The following ABR variants were observed in gnomAD, a reference collection of about 807,000 sequenced individuals.
The protein encoded by ABR is ABR activator of RhoGEF and GTPase.
In ABR, 35 loss-of-function variants were observed where a neutral mutation model predicts 107.2. That is an observed-to-expected ratio of 0.33 (90% CI 0.25 to 0.43). The LOEUF (loss-of-function observed/expected upper bound fraction) is 0.43, where lower values mean the gene tolerates loss of function less well. Among genes scored for constraint, ABR ranks in the 20% least tolerant of loss-of-function variants. ABR has a pLI of 1.00. For missense variants in ABR, 815 were observed against 1,115.2 expected (o/e 0.73, Z 3.83); for synonymous variants, 498 against 462.0 (o/e 1.08, Z -1.00).
At chr17:1,175,921 C>A (rs1567861269) in intron 1 of ABR, among the ~76,000 whole-genome samples, 1 of 152,108 alleles carries the variant, frequency 6.6e-6, no homozygotes, top group Non-Finnish European at 1.5e-5. Flanking sequence ...GAAACCCCGT[C>A]TCTACTAAAA....
At chr17:1,085,307 G>A (rs1243113205) in intron 4 of ABR, among the ~76,000 whole-genome samples, 4 of 149,058 alleles carry the variant, frequency 2.7e-5, no homozygotes, top group Admixed American at 1.4e-4. Context: ...TAGTAGAGAC[G>A]GGGTTTCACC....
intron 1 of ABR, among the ~76,000 whole-genome samples, chr17:1,195,189 C>A (rs1399446874): frequency 6.9e-6 from 1 of 145,558 alleles, no homozygotes; most frequent in Non-Finnish European, 1.5e-5. Flanking sequence ...CGCCTGTAGT[C>A]CCAGCTACTC....
At chr17:1,046,951 G>A (rs2260057) in intron 16 of ABR, among the ~76,000 whole-genome samples, 55,475 of 152,074 alleles carry the variant, frequency 0.36, 10,655 homozygotes, top group East Asian at 0.65. Context: ...GCATGCTGCC[G>A]TCTGTCTGTC....
rs1278180194 is a variant in ABR, at chr17:1,078,959, G to A, written c.700+371C>T. On this transcript the variant is annotated intron_variant, in intron 6 of 22. Transcript: ENST00000302538. The surrounding 1 kb of genome is among the most constrained non-coding windows in gnomAD (Gnocchi z 7.5). ...ACTCAGCCACCTTGCTGATGCTGCCGCACGGACTCCAGCATCGGGCAGCCG... is the reference window on the plus strand; with the variant it reads ...ACTCAGCCACCTTGCTGATGCTGCCACACGGACTCCAGCATCGGGCAGCCG... The A allele has an allele frequency of 2.4e-5, 37 of 1,511,832 alleles. No individual in the cohort carries two copies. Among genetic ancestry groups the A allele is most frequent in the South Asian group, 6.1e-5 (5 of 81,730 alleles). 93.7% of individuals were successfully genotyped at this position (1,511,832 alleles called of 1,614,324 possible).
At chr17:1,132,670 C>A (rs573659797) in intron 1 of ABR, among the ~76,000 whole-genome samples, 1 of 152,062 alleles carries the variant, frequency 6.6e-6, no homozygotes, top group Non-Finnish European at 1.5e-5. Flanking sequence ...AGCCACCACA[C>A]CTGGCCAATA....
chr17:1,113,282 T>TTTG (rs1469913332), intron 2 of ABR, among the ~76,000 whole-genome samples: 1 of 136,062 alleles, frequency 7.3e-6, no homozygotes, highest in Admixed American at 7.3e-5. Flanking sequence ...ATTGCGATTT[T>TTTG]TTTTTTTTTT....
At chr17:1,022,302 G>A (rs1394516064) in intron 16 of ABR, among the ~76,000 whole-genome samples, 2 of 152,040 alleles carry the variant, frequency 1.3e-5, no homozygotes, top group South Asian at 2.1e-4. Context: ...CAGGCCAGCG[G>A]CCACGGTGGC....
chr17:1,009,454 A>G (rs2070343215), intron 21 of ABR, among the ~76,000 whole-genome samples: 1 of 152,196 alleles, frequency 6.6e-6, no homozygotes, highest in Non-Finnish European at 1.5e-5. Flanking sequence ...ATATTTCTCA[A>G]AACAGAAAAA....
chr17:1,176,005 G>A (rs533105863), intron 1 of ABR, among the ~76,000 whole-genome samples: 3 of 152,228 alleles, frequency 2.0e-5, no homozygotes, highest in African/African-American at 7.2e-5. Flanking sequence ...GCAGGAGAAT[G>A]GCGTGAACCT....
chr17:1,033,534 T>A (rs2072960121), intron 16 of ABR, among the ~76,000 whole-genome samples: 1 of 152,206 alleles, frequency 6.6e-6, no homozygotes, highest in Non-Finnish European at 1.5e-5. Flanking sequence ...TGTGGCAGGA[T>A]CTGGCCCTGG....
At chr17:1,139,363 T>C (rs1020350473) in intron 1 of ABR, among the ~76,000 whole-genome samples, 1 of 152,202 alleles carries the variant, frequency 6.6e-6, no homozygotes, top group African/African-American at 2.4e-5. Flanking sequence ...GCCATTCTCC[T>C]GCCTCAGCCT....
At chr17:1,060,958 C>A (rs1020463330) in intron 10 of ABR, among the ~76,000 whole-genome samples, 5 of 152,146 alleles carry the variant, frequency 3.3e-5, no homozygotes, top group Non-Finnish European at 7.3e-5. Context: ...TGCCACTGCA[C>A]TCCAGCCTGG....
chr17:1,020,915 G>A lies in ABR; in HGVS notation c.1792-7751C>T, dbSNP rs777193689. ...TCCCCGTGCTCGGATTCAGGGGCAC[G>A]CTCCCTCCGGTCTCCACTCCTGCTC... On this transcript the variant is annotated intron_variant, in intron 16 of 22. Coordinates refer to ENST00000302538, the MANE Select transcript of ABR (RefSeq NM_021962.5). 9.9e-4 allele frequency among the ~76,000 whole-genome samples: 151 copies of A among 152,208 alleles called. 1 individual carries two copies. Among genetic ancestry groups the A allele is most frequent in the Non-Finnish European group, 1.6e-3 (111 of 67,988 alleles).
intron 16 of ABR, among the ~76,000 whole-genome samples, chr17:1,023,693 G>T (rs1339156970): frequency 6.6e-6 from 1 of 152,188 alleles, no homozygotes; most frequent in African/African-American, 2.4e-5. Flanking sequence ...AGACCTCCAT[G>T]GGCTCTGAAG....
chr17:1,139,204 C>G (rs968730844), intron 1 of ABR, among the ~76,000 whole-genome samples: 1 of 152,076 alleles, frequency 6.6e-6, no homozygotes, highest in South Asian at 2.1e-4. Context: ...CTTATAACTC[C>G]TTAAAGTGAG....
intron 1 of ABR, among the ~76,000 whole-genome samples, chr17:1,169,974 G>GTGTGTT (rs1193770761): frequency 1.9e-4 from 26 of 136,728 alleles, no homozygotes; most frequent in African/African-American, 6.5e-4. Flanking sequence ...GTATGGGGGG[G>GTGTGTT]TGTGTTTGTG....
intron 1 of ABR, among the ~76,000 whole-genome samples, chr17:1,202,633 G>A (rs757247796): frequency 1.1e-4 from 16 of 152,050 alleles, no homozygotes; most frequent in Non-Finnish European, 1.9e-4. Flanking sequence ...GGCAGCAAAT[G>A]TTGCATGAAA....
chr17:1,049,757 TC>T (rs898571050), intron 16 of ABR, among the ~76,000 whole-genome samples: 4 of 152,216 alleles, frequency 2.6e-5, no homozygotes, highest in African/African-American at 4.8e-5. Context: ...AACATGGCGT[TC>T]CGGGAAACAA....
rs144902924 is a variant in ABR at position 1,148,688 on chromosome 17, C to T, written c.62-23321G>A. Among the ~76,000 whole-genome samples, 173 of 152,342 alleles carry T rather than the reference C, an allele frequency of 1.1e-3. No individual in the cohort carries two copies. The highest frequency in any genetic ancestry group is 0.01 in the Middle Eastern group (3 of 294). ...CATCCCGAAAGCGCTCCCCACCCTT[C>T]CCCGGTCCGTGGAAAAAGTGTCTTC... On this transcript the variant is annotated intron_variant, in intron 1 of 22. Transcript: ENST00000302538. This position sits in a 1 kb window ranked among gnomAD's most constrained non-coding sequence, Gnocchi z 4.9.
Sources: gnomAD v4.1 joint callset for allele counts (sites outside exome capture counted in the v4.1 genomes callset) on GRCh38, gnomAD v4.1.1 for gene constraint, Gnocchi (gnomAD v3.1) non-coding constraint, MANE v1.5 for transcripts, NCBI Gene and HGNC (gene_info 2026-07-23, HGNC 2026-07-21) for gene names.